COLEC10: variants seen among roughly 807,000 people sequenced by gnomAD.
COLEC10 encodes the protein collectin subfamily member 10, also known as collectin-10.
In COLEC10, 22 loss-of-function variants were observed where a neutral mutation model predicts 28.4. The observed-to-expected ratio is 0.78, with a 90% CI of 0.55 to 1.11. The LOEUF (loss-of-function observed/expected upper bound fraction) is 1.11, where lower values mean the gene tolerates loss of function less well. Among genes scored for constraint, COLEC10 ranks in the 50% least tolerant of loss-of-function variants. COLEC10 has a pLI of 0.00. For missense variants in COLEC10, 361 were observed against 344.1 expected (o/e 1.05, Z -0.39); for synonymous variants, 125 against 116.1 (o/e 1.08, Z -0.49).
chr8:119,086,632 C>G (rs13260242), intron 1 of COLEC10, among the ~76,000 whole-genome samples: 17,262 of 152,140 alleles, frequency 0.11, 1,363 homozygotes, highest in East Asian at 0.27. Context: ...AGCAGTAGAT[C>G]ACTAAGTCAC....
chr8:119,023,552 T>G (rs1346763706), intron 2 of COLEC10, among the ~76,000 whole-genome samples: 1 of 152,182 alleles, frequency 6.6e-6, no homozygotes, highest in Non-Finnish European at 1.5e-5. Flanking sequence ...TCTAAACACA[T>G]TAACCACAGT....
chr8:119,072,131 T>A (rs984197429), intron 1 of COLEC10, among the ~76,000 whole-genome samples: 1 of 152,178 alleles, frequency 6.6e-6, no homozygotes, highest in Admixed American at 6.5e-5. Flanking sequence ...ACACTGTGAT[T>A]CCCATGGGTA....
chr8:119,088,394 A>G (rs1458848351), intron 1 of COLEC10, among the ~76,000 whole-genome samples: 2 of 152,124 alleles, frequency 1.3e-5, no homozygotes, highest in Non-Finnish European at 2.9e-5. Context: ...TGTTTGATCA[A>G]TCTCACACCT....
At chr8:119,027,816 T>A in intron 2 of COLEC10, among the ~76,000 whole-genome samples, 1 of 152,316 alleles carries the variant, frequency 6.6e-6, no homozygotes, top group South Asian at 2.1e-4. Context: ...TTACTCCCTC[T>A]CTCCTCGATG....
At chr8:119,084,568 A>C (rs2450066) in intron 1 of COLEC10, among the ~76,000 whole-genome samples, 94,888 of 151,576 alleles carry the variant, frequency 0.63, 30,203 homozygotes, top group Middle Eastern at 0.74. Context: ...TATATAGCAC[A>C]GCAGTGTGGG....
At chr8:118,964,749 G>A in the COLEC10 span, among the ~76,000 whole-genome samples, 2 of 152,156 alleles carry the variant, frequency 1.3e-5, no homozygotes, top group South Asian at 4.1e-4. Context: ...TCCCAGGAGT[G>A]AACAAAGTCA....
chr8:118,970,847 G>A, the COLEC10 span, among the ~76,000 whole-genome samples: 1 of 151,888 alleles, frequency 6.6e-6, no homozygotes, highest in South Asian at 2.1e-4. Context: ...TGATCAATGA[G>A]CACAAGCATA....
the COLEC10 span, among the ~76,000 whole-genome samples, chr8:118,966,428 C>CG: frequency 6.6e-6 from 1 of 152,014 alleles, no homozygotes; most frequent in Non-Finnish European, 1.5e-5. Context: ...AAAGAAGGAA[C>CG]GAGTCATTCT....
At position 119,089,673 on chromosome 8, in the gene COLEC10, T is replaced by C. The variant is rs1361398996; in HGVS notation, c.149-7T>C. On this transcript the variant is annotated splice_polypyrimidine_tract_variant and splice_region_variant and intron_variant, in intron 1 of 5. Coordinates refer to ENST00000332843, the MANE Select transcript of COLEC10 (RefSeq NM_006438.5). ...GCTTCACTCTATCTCATTTTCTGTT[T>C]CAAAAGGAGATGATGGTGAAAAAGG... 6.2e-7 allele frequency: 1 copy of C among 1,610,610 alleles called. No individual in the cohort carries two copies. Among genetic ancestry groups the C allele is most frequent in the Admixed American group, 1.7e-5 (1 of 59,942 alleles).
chr8:119,045,893 C>T (rs571192987), intron 2 of COLEC10, among the ~76,000 whole-genome samples: 3 of 152,258 alleles, frequency 2.0e-5, no homozygotes, highest in South Asian at 4.1e-4. Flanking sequence ...ATTATTGTTG[C>T]TTGTTTCTAA....
intron 1 of COLEC10, among the ~76,000 whole-genome samples, chr8:119,070,446 G>GCTCTCT (rs760543405): frequency 0.078 from 6,272 of 80,436 alleles, 759 homozygotes; most frequent in African/African-American, 0.24. Context: ...GTTCTCCCTC[G>GCTCTCT]CTCTCTCTCT....
chr8:119,066,004 A>G (rs1218637622), upstream of COLEC10, among the ~76,000 whole-genome samples: 1 of 152,114 alleles, frequency 6.6e-6, no homozygotes, highest in Non-Finnish European at 1.5e-5. Flanking sequence ...GGTTTTAGCC[A>G]CCCGGCCGCT....
chr8:119,010,749 A>G (rs1813888376), intron 2 of COLEC10, among the ~76,000 whole-genome samples: 1 of 151,076 alleles, frequency 6.6e-6, no homozygotes, highest in African/African-American at 2.5e-5. Flanking sequence ...TTATTTGATG[A>G]CATATGAAGT....
the COLEC10 span, among the ~76,000 whole-genome samples, chr8:118,974,655 A>C: frequency 6.6e-6 from 1 of 152,054 alleles, no homozygotes; most frequent in East Asian, 1.9e-4. Context: ...TAATTAATAA[A>C]GTGGCATTTC....
At chr8:118,977,051 T>C in the COLEC10 span, among the ~76,000 whole-genome samples, 1 of 150,528 alleles carries the variant, frequency 6.6e-6, no homozygotes, top group Non-Finnish European at 1.5e-5. Flanking sequence ...CACAATGAGA[T>C]ACCATCTCAC....
At chr8:119,087,677 C>A (rs868792670) in intron 1 of COLEC10, among the ~76,000 whole-genome samples, 1 of 151,974 alleles carries the variant, frequency 6.6e-6, no homozygotes, top group East Asian at 1.9e-4. Flanking sequence ...TTCTGCAACC[C>A]CCCTTTTTGC....
intron 2 of COLEC10, among the ~76,000 whole-genome samples, chr8:119,062,151 TTATAA>T (rs1002240648): frequency 6.3e-4 from 96 of 152,160 alleles, no homozygotes; most frequent in African/African-American, 2.2e-3. Flanking sequence ...TGTATTAAAA[TTATAA>T]TATTAAGTTA....
intron 2 of COLEC10, among the ~76,000 whole-genome samples, chr8:119,045,356 A>C (rs544652930): frequency 5.3e-5 from 8 of 152,218 alleles, no homozygotes; most frequent in African/African-American, 1.7e-4. Context: ...AAATAGAAAA[A>C]TGTGGCATGA....
chr8:119,053,856 A>G (rs1207128107), intron 2 of COLEC10, among the ~76,000 whole-genome samples: 1 of 151,968 alleles, frequency 6.6e-6, no homozygotes, highest in Non-Finnish European at 1.5e-5. Context: ...GATACTTGAA[A>G]CCGTGGATAG....
Sources: allele counts gnomAD v4.1 joint callset (sites outside exome capture counted in the v4.1 genomes callset), GRCh38; gene constraint gnomAD v4.1.1; transcripts MANE v1.5; gene names NCBI Gene and HGNC (gene_info 2026-07-23, HGNC 2026-07-21).